The following PPM1D variants were observed in gnomAD, a reference collection of about 807,000 sequenced individuals.
PPM1D encodes protein phosphatase 1D.
In PPM1D, 52 loss-of-function variants were observed where a neutral mutation model predicts 58.3. The observed-to-expected ratio is 0.89, with a 90% CI of 0.71 to 1.12. PPM1D has a LOEUF of 1.12. Among genes scored for constraint, PPM1D ranks in the 50% most tolerant of loss-of-function variants. The pLI is 0.00. For missense variants in PPM1D, 564 were observed against 777.2 expected (o/e 0.73, Z 3.26); for synonymous variants, 278 against 285.1 (o/e 0.98, Z 0.25).
chr17:60,640,060 C>T (rs1004074507), intron 3 of PPM1D, among the ~76,000 whole-genome samples: 1 of 152,126 alleles, frequency 6.6e-6, no homozygotes, highest in Non-Finnish European at 1.5e-5. Flanking sequence ...GGCTCACACC[C>T]ATAATTCTAA....
intron 4 of PPM1D, among the ~76,000 whole-genome samples, chr17:60,652,411 G>A (rs1381678894): frequency 6.6e-6 from 1 of 152,090 alleles, no homozygotes; most frequent in Non-Finnish European, 1.5e-5. Context: ...ATTGACGTAG[G>A]ATGATTCCAT....
chr17:60,661,644 T>C (rs2031527931), intron 5 of PPM1D, among the ~76,000 whole-genome samples: 1 of 152,146 alleles, frequency 6.6e-6, no homozygotes, highest in African/African-American at 2.4e-5. Context: ...TCTCATTTGT[T>C]TTCATCAATT....
chr17:60,656,889 C>G (rs762551675), intron 5 of PPM1D, 48 bp downstream of exon 5: 1 of 1,611,502 alleles, frequency 6.2e-7, no homozygotes, highest in Non-Finnish European at 8.5e-7. Flanking sequence ...GACACCAGTT[C>G]TTTGGTTAGC....
At chr17:60,640,641 G>C (rs1255948215) in intron 3 of PPM1D, among the ~76,000 whole-genome samples, 2 of 152,152 alleles carry the variant, frequency 1.3e-5, no homozygotes, top group African/African-American at 4.8e-5. Flanking sequence ...CCGTCATCCA[G>C]GTAGGGAGCA....
chr17:60,654,883 G>GAAAGA (rs1181494271), intron 4 of PPM1D, among the ~76,000 whole-genome samples: 9 of 149,356 alleles, frequency 6.0e-5, no homozygotes, highest in Non-Finnish European at 8.9e-5. Context: ...AAAAAAAAAA[G>GAAAGA]AAAGAAAAGA....
At chr17:60,614,117 T>A (rs946877772) in intron 1 of PPM1D, among the ~76,000 whole-genome samples, 23 of 150,510 alleles carry the variant, frequency 1.5e-4, no homozygotes, top group African/African-American at 5.3e-4. Flanking sequence ...AGTGGGGACT[T>A]GGAGAACCTT....
At chr17:60,626,484 T>G (rs2030811538) in intron 2 of PPM1D, among the ~76,000 whole-genome samples, 2 of 151,454 alleles carry the variant, frequency 1.3e-5, no homozygotes, top group Non-Finnish European at 1.5e-5. Context: ...AAGCTCGGCC[T>G]CCTGGGTTCA....
rs2030975587 is a variant in PPM1D at position 60,633,917 on chromosome 17, C to T, written c.766C>T (p.Pro256Ser). The T allele has an allele frequency of 6.2e-7, 1 of 1,613,706 alleles. No homozygotes were observed. Among genetic ancestry groups the T allele is most frequent in the Admixed American group, 1.7e-5 (1 of 59,980 alleles). ...ACGACCTCGACTCACTCACAATGGACCTGTTAGAAGGAGCACAGTTATTGA... is the reference window on the plus strand; with the variant it reads ...ACGACCTCGACTCACTCACAATGGATCTGTTAGAAGGAGCACAGTTATTGA... ...WKRPRLTHNG[P>S]VRRSTVIDQI... Residue 256 changes from proline to serine, a missense_variant, in exon 3 of 6, where the codon CCT (proline) becomes TCT (serine). This residue lies in a region of PPM1D where 95 missense variants were observed against 232.6 expected (regional missense o/e 0.41). Transcript: ENST00000305921.
intron 4 of PPM1D, among the ~76,000 whole-genome samples, chr17:60,649,979 A>G (rs937354246): frequency 6.6e-6 from 1 of 152,204 alleles, no homozygotes; most frequent in African/African-American, 2.4e-5. Context: ...GAATTCTTTA[A>G]TGATCTGAGA....
chr17:60,615,548 T>C (rs1453442295), intron 1 of PPM1D, among the ~76,000 whole-genome samples: 2 of 151,900 alleles, frequency 1.3e-5, no homozygotes, highest in Non-Finnish European at 2.9e-5. Context: ...GAAGACAACA[T>C]AAAAATACCA....
chr17:60,650,128 C>G (rs2031316674), intron 4 of PPM1D, among the ~76,000 whole-genome samples: 1 of 152,078 alleles, frequency 6.6e-6, no homozygotes, highest in African/African-American at 2.4e-5. Flanking sequence ...TCTTATGAGA[C>G]CTGGAAGAGT....
intron 3 of PPM1D, among the ~76,000 whole-genome samples, chr17:60,636,626 C>T (rs1220532385): frequency 1.3e-5 from 2 of 152,030 alleles, no homozygotes; most frequent in Non-Finnish European, 2.9e-5. Context: ...GCAGTGAGAC[C>T]TGTGAGTGTC....
intron 4 of PPM1D, among the ~76,000 whole-genome samples, chr17:60,648,559 A>G (rs987937920): frequency 1.6e-4 from 24 of 151,144 alleles, no homozygotes; most frequent in African/African-American, 5.8e-4. Flanking sequence ...TAATTTTTGT[A>G]TTTTTAGTAG....
chr17:60,650,712 G>A lies in PPM1D; in HGVS notation c.1017+2630G>A, dbSNP rs150281157. On this transcript the variant is annotated intron_variant, in intron 4 of 5. Coordinates refer to ENST00000305921, the MANE Select transcript of PPM1D (RefSeq NM_003620.4). ...AAGAGACATTATTTAGGGAGAGATG[G>A]GGGAGGTAATTAGTTCAGACATAGG... Among the ~76,000 whole-genome samples the A allele has an allele frequency of 1.7e-4, 26 of 152,282 alleles. No individual in the cohort carries two copies. The East Asian group carries it at 4.8e-3, about 28-fold the overall frequency.
chr17:60,613,426 A>G (rs1420534313), intron 1 of PPM1D, among the ~76,000 whole-genome samples: 1 of 152,264 alleles, frequency 6.6e-6, no homozygotes, highest in African/African-American at 2.4e-5. Context: ...TTCGAATTCC[A>G]GCTTCTCCAC....
chr17:60,617,171 C>G (rs1411127015), intron 1 of PPM1D, among the ~76,000 whole-genome samples: 3 of 151,360 alleles, frequency 2.0e-5, no homozygotes, highest in East Asian at 3.9e-4. Flanking sequence ...GCTGTGTTCC[C>G]CAAGCTGGTC....
Position 60,658,492 on chromosome 17 carries a change from T to C in PPM1D, c.1260+1651T>C, listed in dbSNP as rs199862981. Reference sequence around the variant, plus strand: ...GGAGATACCCCATCTCTACTAAAAATACAAAATTAGCCAGGTGTGGTGATG... The same window carrying C: ...GGAGATACCCCATCTCTACTAAAAACACAAAATTAGCCAGGTGTGGTGATG... On this transcript the variant is annotated intron_variant, in intron 5 of 5. Coordinates refer to ENST00000305921, the MANE Select transcript of PPM1D (RefSeq NM_003620.4). 4.0e-5 allele frequency among the ~76,000 whole-genome samples: 6 copies of C among 149,870 alleles called. No homozygotes were observed. The East Asian group carries it at 1.2e-3, about 30-fold the overall frequency.
rs576947038 is a variant in PPM1D, at chr17:60,662,248, C to T, written c.1261-747C>T. 7.9e-5 allele frequency: 12 copies of T among 152,260 alleles called. No individual in the cohort carries two copies. The South Asian group carries it at 2.1e-3, about 26-fold the overall frequency. The allele number at this position is 152,260 out of a possible 1,614,324, so 9.4% of individuals were successfully genotyped here. On this transcript the variant is annotated intron_variant, in intron 5 of 5. Transcript: ENST00000305921. The stretch of plus-strand genomic sequence containing the variant: ...CTGACCTCAAATGATCTGCCCGCCT[C>T]GACCTCCCAAAGTGCTGGGATTACA...
intron 5 of PPM1D, among the ~76,000 whole-genome samples, chr17:60,659,026 G>T (rs1036912734): frequency 6.6e-6 from 1 of 152,158 alleles, no homozygotes; most frequent in African/African-American, 2.4e-5. Flanking sequence ...ATAAGAAGAC[G>T]TATGTTTGCC....
Sources: allele counts gnomAD v4.1 joint callset (sites outside exome capture counted in the v4.1 genomes callset), GRCh38; gene constraint gnomAD v4.1.1; regional missense constraint gnomAD v4.1.1; transcripts MANE v1.5; gene names NCBI Gene and HGNC (gene_info 2026-07-23, HGNC 2026-07-21).